The following SLCO1B3 variants were observed in gnomAD, a reference collection of about 807,000 sequenced individuals.
SLCO1B3 encodes the protein solute carrier organic anion transporter family member 1B3, also known as liver-specific organic anion transporter 2.
A neutral mutation model predicts 71.8 loss-of-function variants in SLCO1B3; 72 were observed. That is an observed-to-expected ratio of 1.00 (90% confidence interval 0.83 to 1.22). The LOEUF (loss-of-function observed/expected upper bound fraction) is 1.22. SLCO1B3 is among the 50% of genes most tolerant of loss of function. The pLI, the probability that SLCO1B3 is intolerant of heterozygous loss-of-function variation, is 0.00. For missense variants in SLCO1B3, 911 were observed against 819.7 expected (o/e 1.11, Z -1.36); for synonymous variants, 298 against 278.4 (o/e 1.07, Z -0.70).
intron 2 of SLCO1B3, among the ~76,000 whole-genome samples, chr12:20,814,976 C>CTTTTTTTTTTTTT (rs1297703814): frequency 1.6e-3 from 186 of 116,982 alleles, no homozygotes; most frequent in Non-Finnish European, 2.1e-3. Context: ...CTTTTCTTTT[C>CTTTTTTTTTTTTT]TTTTCTTTTT....
intron 8 of SLCO1B3, 37 bp downstream of exon 8, chr12:20,862,891 T>C: frequency 8.9e-7 from 1 of 1,129,338 alleles, no homozygotes; most frequent in South Asian, 1.3e-5. Flanking sequence ...TGATAGTGTC[T>C]TTTAAGTGCA....
chr12:20,824,311 G>T (rs1031497953), intron 3 of SLCO1B3, among the ~76,000 whole-genome samples: 11 of 152,132 alleles, frequency 7.2e-5, no homozygotes, highest in African/African-American at 2.7e-4. Flanking sequence ...TCCATGTTCT[G>T]CTCAATATTG....
At chr12:20,887,333 C>A (rs908053654) in intron 13 of SLCO1B3, among the ~76,000 whole-genome samples, 6 of 152,082 alleles carry the variant, frequency 3.9e-5, no homozygotes, top group Admixed American at 6.6e-5. Context: ...TACATTCCCA[C>A]CAACAGTGTA....
rs1205572204 is a variant in SLCO1B3 at position 20,815,657 on chromosome 12, T to C, written c.-65-17T>C. 1 of 884,320 alleles carries C rather than the reference T, an allele frequency of 1.1e-6. No homozygotes were observed. Among genetic ancestry groups the C allele is most frequent in the Non-Finnish European group, 1.8e-6 (1 of 554,726 alleles). 54.8% of individuals were successfully genotyped at this position (884,320 alleles called of 1,614,324 possible). On this transcript the variant is annotated splice_polypyrimidine_tract_variant and intron_variant, in intron 2 of 15. Coordinates refer to ENST00000381545, the MANE Select transcript of SLCO1B3 (RefSeq NM_019844.4). ...ATTGTTAAAGTAAAATAAATTATACTTTTTCTTTTTTAACAGGTGATCATT... is the reference window on the plus strand; with the variant it reads ...ATTGTTAAAGTAAAATAAATTATACCTTTTCTTTTTTAACAGGTGATCATT...
chr12:20,836,921 G>A (rs200836637), intron 3 of SLCO1B3, among the ~76,000 whole-genome samples: 13 of 152,162 alleles, frequency 8.5e-5, no homozygotes, highest in East Asian at 5.8e-4. Flanking sequence ...GATTACAGGC[G>A]TGAGCCACTG....
At chr12:20,841,184 C>G (rs144593783) in intron 3 of SLCO1B3, among the ~76,000 whole-genome samples, 18 of 152,122 alleles carry the variant, frequency 1.2e-4, no homozygotes, top group African/African-American at 3.4e-4. Flanking sequence ...CTCTCCATCT[C>G]CAATCTTGGA....
chr12:20,863,800 C>T (rs1310176099), intron 8 of SLCO1B3, among the ~76,000 whole-genome samples: 1 of 152,160 alleles, frequency 6.6e-6, no homozygotes, highest in Non-Finnish European at 1.5e-5. Flanking sequence ...CTTCTCATCT[C>T]CCATTTACTT....
intron 3 of SLCO1B3, among the ~76,000 whole-genome samples, chr12:20,844,809 C>T (rs934378980): frequency 5.3e-5 from 8 of 152,094 alleles, no homozygotes; most frequent in African/African-American, 1.7e-4. Flanking sequence ...GTGGGCGAAT[C>T]ATCTGAGGCC....
At chr12:20,880,574 A>C (rs978683444) in intron 11 of SLCO1B3, among the ~76,000 whole-genome samples, 6 of 151,932 alleles carry the variant, frequency 3.9e-5, no homozygotes, top group African/African-American at 7.2e-5. Flanking sequence ...AACCTCTTTT[A>C]TTTCTTTTTT....
At chr12:20,879,203 C>CTGTT (rs1418926193) in intron 10 of SLCO1B3, among the ~76,000 whole-genome samples, 2 of 65,842 alleles carry the variant, frequency 3.0e-5, no homozygotes, top group Admixed American at 1.9e-4. Context: ...CCACCCTTCT[C>CTGTT]TCTTTTTTTT....
intron 3 of SLCO1B3, among the ~76,000 whole-genome samples, chr12:20,846,562 A>G (rs1201528876): frequency 6.6e-6 from 1 of 152,200 alleles, no homozygotes; most frequent in Non-Finnish European, 1.5e-5. Flanking sequence ...TTTGCCCAGA[A>G]AAAGTATATG....
intron 13 of SLCO1B3, among the ~76,000 whole-genome samples, chr12:20,897,336 C>T (rs1167049529): frequency 2.0e-5 from 3 of 152,300 alleles, no homozygotes; most frequent in East Asian, 3.9e-4. Flanking sequence ...TTCAGAATCT[C>T]AATAAATGGC....
chr12:20,861,928 A>G (rs1156651565), intron 6 of SLCO1B3, among the ~76,000 whole-genome samples: 5 of 120,184 alleles, frequency 4.2e-5, no homozygotes. Context: ...CATGACATCC[A>G]TGTTTAACAG....
chr12:20,868,604 T>C (rs11045569), intron 8 of SLCO1B3, among the ~76,000 whole-genome samples: 110,059 of 151,986 alleles, frequency 0.72, 42,461 homozygotes, highest in South Asian at 0.9. Flanking sequence ...CCCACAGATT[T>C]GGTGGGTCTC....
intron 8 of SLCO1B3, among the ~76,000 whole-genome samples, chr12:20,870,651 T>C (rs1287396217): frequency 3.3e-5 from 5 of 152,202 alleles, no homozygotes; most frequent in Non-Finnish European, 7.4e-5. Flanking sequence ...CAGATTTCTC[T>C]GGGCTCTGTA....
At chr12:20,887,879 T>G (rs1245308383) in intron 13 of SLCO1B3, among the ~76,000 whole-genome samples, 1 of 151,992 alleles carries the variant, frequency 6.6e-6, no homozygotes, top group African/African-American at 2.4e-5. Flanking sequence ...ACGTCTTTCA[T>G]CCTTTTTCAG....
chr12:20,897,541 T>C (rs934784573), intron 13 of SLCO1B3, among the ~76,000 whole-genome samples: 5 of 152,200 alleles, frequency 3.3e-5, no homozygotes, highest in African/African-American at 1.2e-4. Context: ...GCATAATTTG[T>C]CTATTTACTT....
At chr12:20,912,065 A>G (rs933545698) in intron 15 of SLCO1B3, among the ~76,000 whole-genome samples, 13 of 152,160 alleles carry the variant, frequency 8.5e-5, no homozygotes, top group African/African-American at 3.1e-4. Flanking sequence ...CTTTCACTGC[A>G]TCCATAACAT....
At chr12:20,853,330 T>C (rs1865060434) in intron 3 of SLCO1B3, among the ~76,000 whole-genome samples, 1 of 152,052 alleles carries the variant, frequency 6.6e-6, no homozygotes, top group Non-Finnish European at 1.5e-5. Context: ...CTTTAGGAGT[T>C]TGGTAAAATT....
Sources: gnomAD v4.1 joint callset for allele counts (sites outside exome capture counted in the v4.1 genomes callset) on GRCh38, gnomAD v4.1.1 for gene constraint, MANE v1.5 for transcripts, NCBI Gene and HGNC (gene_info 2026-07-23, HGNC 2026-07-21) for gene names.